LARP4: variants seen among roughly 807,000 people sequenced by gnomAD.
LARP4 encodes la-related protein 4.
LARP4 carries 29 observed loss-of-function variants against 92.9 expected under a neutral mutation model. The ratio of observed to expected loss-of-function variants is 0.31; its 90% confidence interval spans 0.23 to 0.43. The LOEUF (loss-of-function observed/expected upper bound fraction) is 0.43, where lower values mean the gene tolerates loss of function less well. Ranked by LOEUF, LARP4 falls within the 20% of genes least tolerant of loss-of-function variation. The pLI is 1.00. For missense variants in LARP4, 732 were observed against 860.0 expected (o/e 0.85, Z 1.86); for synonymous variants, 279 against 284.1 (o/e 0.98, Z 0.18).
At chr12:50,449,215 A>G (rs184990643) in intron 8 of LARP4, among the ~76,000 whole-genome samples, 117 of 152,264 alleles carry the variant, frequency 7.7e-4, no homozygotes, top group South Asian at 4.6e-3. Context: ...TGCACCCCCA[A>G]CATTGGCGGC....
intron 1 of LARP4, among the ~76,000 whole-genome samples, chr12:50,416,976 A>G (rs1275663226): frequency 1.3e-5 from 2 of 152,152 alleles, no homozygotes; most frequent in Non-Finnish European, 2.9e-5. Flanking sequence ...AAAATAAAAC[A>G]AAACTCTTCT....
At chr12:50,421,972 A>AT (rs34349709) in intron 1 of LARP4, among the ~76,000 whole-genome samples, 20,881 of 141,320 alleles carry the variant, frequency 0.15, 2,117 homozygotes, top group East Asian at 0.48. Flanking sequence ...CATTGGTTGG[A>AT]TTTTTTTTTT....
chr12:50,405,633 T>A (rs1388488267), intron 1 of LARP4, among the ~76,000 whole-genome samples: 1 of 152,080 alleles, frequency 6.6e-6, no homozygotes, highest in Non-Finnish European at 1.5e-5. Context: ...TTTTGCTTTT[T>A]TGCTCAAGCT....
At chr12:50,434,526 C>T (rs1950142001) in intron 4 of LARP4, among the ~76,000 whole-genome samples, 1 of 150,314 alleles carries the variant, frequency 6.7e-6, no homozygotes, top group African/African-American at 2.4e-5. Flanking sequence ...TCAAGCGATT[C>T]TCTTGCCTCA....
chr12:50,442,154 G>T (rs1266256755), intron 8 of LARP4, among the ~76,000 whole-genome samples: 3 of 152,148 alleles, frequency 2.0e-5, no homozygotes, highest in African/African-American at 7.2e-5. Flanking sequence ...TTACAAAGGG[G>T]TAACTTCAAA....
intron 3 of LARP4, among the ~76,000 whole-genome samples, chr12:50,429,697 G>A (rs1592997506): frequency 6.6e-6 from 1 of 152,154 alleles, no homozygotes; most frequent in African/African-American, 2.4e-5. Flanking sequence ...GGAGTGCAGT[G>A]GCGTGATCTT....
intron 5 of LARP4, among the ~76,000 whole-genome samples, chr12:50,436,265 G>A (rs1340983111): frequency 1.3e-5 from 2 of 149,754 alleles, no homozygotes; most frequent in African/African-American, 2.5e-5. Context: ...TATATATCCT[G>A]CTCAGCCTCC....
In LARP4 at chr12:50,459,862, G is replaced by A. The variant is rs529627861; in HGVS notation, c.1122-1273G>A. ...AAAAAAAAAAGGGTGTTATAGGCCA[G>A]GTGTGATGGCTCATGCCTGTAATCC... is the stretch of plus-strand genomic sequence containing the variant. On this transcript the variant is annotated intron_variant, in intron 10 of 15. Coordinates refer to ENST00000398473, the MANE Select transcript of LARP4 (RefSeq NM_052879.5). 3.4e-4 allele frequency among the ~76,000 whole-genome samples: 51 copies of A among 150,118 alleles called. No homozygotes were observed. In the South Asian group the frequency reaches 0.01, roughly 30 times the overall value.
At chr12:50,439,648 C>CA (rs1218622264) in intron 6 of LARP4, among the ~76,000 whole-genome samples, 1 of 152,078 alleles carries the variant, frequency 6.6e-6, no homozygotes, top group East Asian at 1.9e-4. Context: ...TCCCCTACTT[C>CA]AATCTCCCAA....
chr12:50,450,312 T>A (rs1952964077), intron 8 of LARP4, among the ~76,000 whole-genome samples: 1 of 152,172 alleles, frequency 6.6e-6, no homozygotes, highest in Non-Finnish European at 1.5e-5. Context: ...GCCAAAGGAC[T>A]GGAGTCAACC....
intron 8 of LARP4, among the ~76,000 whole-genome samples, chr12:50,448,795 G>A (rs1952640691): frequency 6.6e-6 from 1 of 152,116 alleles, no homozygotes; most frequent in Admixed American, 6.6e-5. Flanking sequence ...AAAGTTCTGG[G>A]ATTGCAGGCG....
intron 7 of LARP4, 68 bp downstream of exon 7, chr12:50,440,617 T>G: frequency 9.5e-7 from 1 of 1,048,294 alleles, no homozygotes; most frequent in Non-Finnish European, 1.5e-6. Flanking sequence ...ATATTTTAAT[T>G]GAGAAAATGT....
At chr12:50,426,584 A>G (rs1035620844) in intron 1 of LARP4, among the ~76,000 whole-genome samples, 50 of 151,874 alleles carry the variant, frequency 3.3e-4, no homozygotes, top group African/African-American at 1.2e-3. Flanking sequence ...TAAAGCGTGT[A>G]AGTGATAAAA....
intron 1 of LARP4, among the ~76,000 whole-genome samples, chr12:50,404,717 T>G (rs1944481403): frequency 7.6e-6 from 1 of 131,066 alleles, no homozygotes; most frequent in Non-Finnish European, 1.6e-5. Context: ...AGACGGAGTT[T>G]CCACTCTTGT....
chr12:50,460,876 G>A (rs1955254506), intron 10 of LARP4, among the ~76,000 whole-genome samples: 1 of 150,438 alleles, frequency 6.6e-6, no homozygotes, highest in South Asian at 2.1e-4. Flanking sequence ...CCGGAAGGCA[G>A]AGCTTGCAGT....
intron 8 of LARP4, among the ~76,000 whole-genome samples, chr12:50,445,150 C>A (rs146680673): frequency 1.1e-4 from 16 of 152,254 alleles, no homozygotes; most frequent in African/African-American, 3.6e-4. Flanking sequence ...GCGATCCCCC[C>A]ACTAAGGCCT....
At position 50,474,078 on chromosome 12, in the gene LARP4, TCTC is replaced by T; in HGVS notation, c.1752_1754del (p.Pro585del). ...TCTCAATCAGACAACTATACCAGTT[TCTC>T]CTCCAAGTACTACAAAGCCATCGAG... On this transcript the variant is annotated inframe_deletion, in exon 15 of 16. Coordinates refer to ENST00000398473, the MANE Select transcript of LARP4 (RefSeq NM_052879.5). 1 of 1,612,630 alleles carries T rather than the reference TCTC, an allele frequency of 6.2e-7. No homozygotes were observed. Among genetic ancestry groups the T allele is most frequent in the Non-Finnish European group, 8.5e-7 (1 of 1,179,628 alleles).
chr12:50,446,110 C>T (rs537792211), intron 8 of LARP4, among the ~76,000 whole-genome samples: 1 of 149,070 alleles, frequency 6.7e-6, no homozygotes, highest in South Asian at 2.1e-4. Flanking sequence ...TCACGCCATT[C>T]TCCTGCCTCA....
intron 8 of LARP4, among the ~76,000 whole-genome samples, chr12:50,445,006 C>T (rs969985643): frequency 6.6e-6 from 1 of 151,046 alleles, no homozygotes; most frequent in South Asian, 2.1e-4. Context: ...TCTTGCCTCG[C>T]ACCCACCCCC....
Sources: gnomAD v4.1 joint callset for allele counts (sites outside exome capture counted in the v4.1 genomes callset) on GRCh38, gnomAD v4.1.1 for gene constraint, MANE v1.5 for transcripts, NCBI Gene and HGNC (gene_info 2026-07-23, HGNC 2026-07-21) for gene names.